MYCBPAP: variants seen among roughly 807,000 people sequenced by gnomAD.
MYCBPAP encodes the protein MYCBP associated protein.
MYCBPAP carries 60 observed loss-of-function variants against 106.1 expected under a neutral mutation model. That is an observed-to-expected ratio of 0.57 (90% CI 0.46 to 0.70). The LOEUF is 0.70. Ranked by LOEUF, MYCBPAP falls within the 30% of genes least tolerant of loss-of-function variation. MYCBPAP has a pLI of 0.00. For synonymous variants in MYCBPAP, 407 were observed against 440.6 expected (o/e 0.92, Z 0.95); for missense variants, 1,064 against 1,169.3 (o/e 0.91, Z 1.31).
At chr17:50,513,288 G>A (rs914080583) in intron 1 of MYCBPAP, among the ~76,000 whole-genome samples, 4 of 150,400 alleles carry the variant, frequency 2.7e-5, no homozygotes, top group Admixed American at 6.6e-5. Context: ...TCGGGAGGCC[G>A]AGGCAGGAGA....
intron 1 of MYCBPAP, among the ~76,000 whole-genome samples, chr17:50,512,783 CAT>C (rs1196580244): frequency 1.3e-5 from 2 of 152,170 alleles, no homozygotes; most frequent in Non-Finnish European, 2.9e-5. Flanking sequence ...CTTTAAGATA[CAT>C]ATATATCCCT....
At chr17:50,530,813 C>T (rs1275093208) in intron 18 of MYCBPAP, among the ~76,000 whole-genome samples, 1 of 152,082 alleles carries the variant, frequency 6.6e-6, no homozygotes, top group Non-Finnish European at 1.5e-5. Flanking sequence ...GCTCCATGGG[C>T]TCCCTGGAGT....
At chr17:50,526,314 C>T (rs745706703) in intron 14 of MYCBPAP, 47 bp downstream of exon 14, 39 of 1,524,116 alleles carry the variant, frequency 2.6e-5, no homozygotes, top group Middle Eastern at 1.8e-4. Flanking sequence ...ATTCCTGCCT[C>T]GAACCAACAA....
At position 50,510,497 on chromosome 17, in the gene MYCBPAP, GTGTATATATATATATATATA is replaced by G. The variant is rs1200346211; in HGVS notation, c.76+1749_76+1768del. 2.9e-4 allele frequency: 26 copies of G among 89,506 alleles called. No individual in the cohort carries two copies. In the South Asian group the frequency reaches 4.4e-3, roughly 15 times the overall value. The allele number at this position is 89,506 out of a possible 1,614,324, so 5.5% of individuals were successfully genotyped here. On this transcript the variant is annotated intron_variant, in intron 1 of 18. Transcript: ENST00000323776. ...TATGTGTGTGTGTGTGTGTGTGTGT[GTGTATATATATATATATATA>G]TATATATATATATATATATGTATTT...
chr17:50,528,342 C>T, intron 16 of MYCBPAP, 72 bp downstream of exon 16: 1 of 1,282,424 alleles, frequency 7.8e-7, no homozygotes, highest in Non-Finnish European at 1.1e-6. Flanking sequence ...AGCAGCAGTG[C>T]CTGGGCCAGT....
intron 6 of MYCBPAP, 38 bp downstream of exon 6, chr17:50,519,127 G>T: frequency 1.5e-6 from 2 of 1,306,778 alleles, no homozygotes; most frequent in African/African-American, 1.6e-5. Context: ...GGGCAGGGGG[G>T]TCCATGGAGG....
rs1295911871 is a variant in MYCBPAP, at chr17:50,517,454, T to C, written c.364+2T>C. 11 of 1,614,198 alleles carry C rather than the reference T, an allele frequency of 6.8e-6. No homozygotes were observed. The highest frequency in any genetic ancestry group is 8.5e-6 in the Non-Finnish European group (10 of 1,180,026). ...CCACAAAGCCTCTGGACTACTCCGGTACACCCAGTCTCAGCCCTGGCTTCA... is the reference window on the plus strand; with the variant it reads ...CCACAAAGCCTCTGGACTACTCCGGCACACCCAGTCTCAGCCCTGGCTTCA... On this transcript the variant is annotated splice_donor_variant, in intron 3 of 18. Coordinates refer to ENST00000323776, the MANE Select transcript of MYCBPAP (RefSeq NM_032133.6). LOFTEE classifies it high-confidence loss of function.
chr17:50,531,026 C>G (rs1185321246), intron 18 of MYCBPAP, among the ~76,000 whole-genome samples: 1 of 152,006 alleles, frequency 6.6e-6, no homozygotes, highest in Non-Finnish European at 1.5e-5. Context: ...GTGGTGCACG[C>G]CTGTAGTCCC....
rs2034090621 is a variant in MYCBPAP at position 50,517,396 on chromosome 17, A to G, written c.308A>G (p.His103Arg). ...KPMDPRRKVCHLVARPANPDE... is the reference protein window; with the variant it reads ...KPMDPRRKVCRLVARPANPDE... ...ATGGATCCTAGGAGGAAGGTCTGCCACCTTGTAGCACGTCCTGCGAATCCT... is the reference window on the plus strand; with the variant it reads ...ATGGATCCTAGGAGGAAGGTCTGCCGCCTTGTAGCACGTCCTGCGAATCCT... Residue 103 changes from histidine to arginine, a missense_variant, in exon 3 of 19, where the codon CAC becomes CGC. Physicochemically the swap from His to Arg is conservative, Grantham distance 29. Coordinates refer to ENST00000323776, the MANE Select transcript of MYCBPAP (RefSeq NM_032133.6). 6.2e-7 allele frequency: 1 copy of G among 1,614,036 alleles called. No individual in the cohort carries two copies. Among genetic ancestry groups the G allele is most frequent in the African/African-American group, 1.3e-5 (1 of 74,926 alleles).
chr17:50,514,602 G>T (rs575417025), intron 1 of MYCBPAP, among the ~76,000 whole-genome samples: 2 of 152,220 alleles, frequency 1.3e-5, no homozygotes, highest in East Asian at 1.9e-4. Context: ...TCAATGTCAT[G>T]CTGTGGCTGC....
chr17:50,515,248 T>TC (rs528343385), intron 1 of MYCBPAP, among the ~76,000 whole-genome samples: 5 of 151,030 alleles, frequency 3.3e-5, no homozygotes, highest in East Asian at 1.9e-4. Flanking sequence ...GGCTGGTTGT[T>TC]CCCCCCCACC....
intron 16 of MYCBPAP, 131 bp from the exon 17 acceptor site, chr17:50,528,564 G>T: frequency 8.2e-7 from 1 of 1,224,704 alleles, no homozygotes. Context: ...GTTTCATGAA[G>T]CCACGCGCCT....
intron 4 of MYCBPAP, 70 bp from the exon 5 acceptor site, chr17:50,518,471 G>C: frequency 7.2e-7 from 1 of 1,392,246 alleles, no homozygotes; most frequent in East Asian, 2.5e-5. Context: ...TTTAGGCCTC[G>C]GGAAATGTGT....
rs1396306844 is a variant in MYCBPAP at position 50,523,017 on chromosome 17, A to G, written c.1336A>G (p.Asn446Asp). 1 of 1,614,052 alleles carries G rather than the reference A, an allele frequency of 6.2e-7. No homozygotes were observed. The highest frequency in any genetic ancestry group is 8.5e-7 in the Non-Finnish European group (1 of 1,180,034). ...AACCTCCTCAGAACTGACTGTGGTC[A>G]ATAATGGCACCGTGGCCATTTGGTA... The part of the protein sequence containing the change: ...EKTSSELTVV[N>D]NGTVAIWYDW... Residue 446 changes from asparagine to aspartate, a missense_variant, in exon 11 of 19, where the codon AAT becomes GAT. Asn to Asp is a conservative substitution (Grantham distance 23, BLOSUM62 1). Coordinates refer to ENST00000323776, the MANE Select transcript of MYCBPAP (RefSeq NM_032133.6).
chr17:50,530,856 A>G lies in MYCBPAP; in HGVS notation c.2725-471A>G, dbSNP rs185107218. Among the ~76,000 whole-genome samples the G allele has an allele frequency of 2.0e-4, 31 of 151,894 alleles. 1 individual carries two copies. Among genetic ancestry groups the G allele is most frequent in the African/African-American group, 6.3e-4 (26 of 41,386 alleles). On this transcript the variant is annotated intron_variant, in intron 18 of 18. Coordinates refer to ENST00000323776, the MANE Select transcript of MYCBPAP (RefSeq NM_032133.6). ...TGAACAACTTAGCTCTAGTATCTCC[A>G]TATGTCAAAGGTACCAGCGCAGGGC...
Position 50,516,555 on chromosome 17 carries a change from T to C in MYCBPAP, c.77-15T>C, listed in dbSNP as rs759998002. The C allele has an allele frequency of 6.2e-6, 10 of 1,612,232 alleles. No homozygotes were observed. In the Admixed American group the frequency reaches 1.7e-4, roughly 27 times the overall value. On this transcript the variant is annotated splice_polypyrimidine_tract_variant and intron_variant, in intron 1 of 18. Transcript: ENST00000323776. ...GAGCTCTTTAAGGACTTAATAACTT[T>C]CTGCTTCTCTTCAGAAAAGAAGCGG...
At chr17:50,510,616 T>A (rs59657922) in intron 1 of MYCBPAP, among the ~76,000 whole-genome samples, 2,095 of 147,774 alleles carry the variant, frequency 0.014, 49 homozygotes, top group African/African-American at 0.049. Context: ...GTCTTGAACT[T>A]CTGGGCTCAA....
At chr17:50,528,127 C>A (rs1216070779) in intron 15 of MYCBPAP, 28 bp from the exon 16 acceptor site, 1 of 1,590,328 alleles carries the variant, frequency 6.3e-7, no homozygotes, top group South Asian at 1.1e-5. Flanking sequence ...GGAGTGATGG[C>A]ATTTCTCCAC....
chr17:50,528,222 G>T lies in MYCBPAP; in HGVS notation c.2359G>T (p.Gly787Cys). ...GHSMWLRSVL[G>C]LPEKETIYLN... ...TTCCATGTGGCTGAGGTCTGTGCTG[G>T]GCCTGCCTGAGAAGGAGACCATCTA... is the stretch of plus-strand genomic sequence containing the variant. The change falls in exon 16 of 19, where the codon GGC becomes TGC. Residue 787 changes from glycine (G) to cysteine (C), a missense_variant. Transcript: ENST00000323776. The T allele has an allele frequency of 6.2e-7, 1 of 1,614,136 alleles. No individual in the cohort carries two copies. The highest frequency in any genetic ancestry group is 8.5e-7 in the Non-Finnish European group (1 of 1,180,026).
Sources: allele counts gnomAD v4.1 joint callset (sites outside exome capture counted in the v4.1 genomes callset), GRCh38; gene constraint gnomAD v4.1.1; transcripts MANE v1.5; gene names NCBI Gene and HGNC (gene_info 2026-07-23, HGNC 2026-07-21).